Variants in DOCK5 observed in about 807,000 individuals in gnomAD.
DOCK5 encodes the protein dedicator of cytokinesis protein 5.
A neutral mutation model predicts 251.8 loss-of-function variants in DOCK5; 142 were observed. That is an observed-to-expected ratio of 0.56 (90% CI 0.49 to 0.65). DOCK5 has a LOEUF of 0.65. Among genes scored for constraint, DOCK5 ranks in the 30% least tolerant of loss-of-function variants. The pLI, the probability that DOCK5 is intolerant of heterozygous loss-of-function variation, is 0.00. For missense variants in DOCK5, 2,111 were observed against 2,312.3 expected, an observed-to-expected ratio of 0.91 and a Z score of 1.79; for synonymous variants, 842 against 835.5, an observed-to-expected ratio of 1.01 and a Z score of -0.13.
chr8:25,258,393 A>C (rs1216047066), intron 2 of DOCK5, among the ~76,000 whole-genome samples: 1 of 152,164 alleles, frequency 6.6e-6, no homozygotes, highest in Non-Finnish European at 1.5e-5. Context: ...TTGTGGAATG[A>C]AATTTAAGAG....
chr8:25,296,382 G>A (rs1262334550), intron 6 of DOCK5, 131 bp from the exon 7 acceptor site: 6 of 1,150,586 alleles, frequency 5.2e-6, no homozygotes, highest in Non-Finnish European at 7.2e-6. Context: ...AAGTCAATGA[G>A]GTGTGCTTCC....
intron 14 of DOCK5, 142 bp downstream of exon 14, chr8:25,317,273 T>C (rs1586323649): frequency 7.5e-7 from 1 of 1,339,512 alleles, no homozygotes. Context: ...CCTGTTAAAT[T>C]TGTGATTAGC....
At chr8:25,210,738 T>A (rs1211221730) in intron 1 of DOCK5, among the ~76,000 whole-genome samples, 1 of 70,528 alleles carries the variant, frequency 1.4e-5, no homozygotes, top group African/African-American at 3.2e-5. Context: ...CACTCCAGCC[T>A]AGGCGACAGA....
chr8:25,335,320 G>T (rs943972742), intron 21 of DOCK5, among the ~76,000 whole-genome samples: 1 of 152,052 alleles, frequency 6.6e-6, no homozygotes, highest in Admixed American at 6.6e-5. Context: ...TGATCATACC[G>T]AGCCAAATGC....
intron 32 of DOCK5, 125 bp from the exon 33 acceptor site, chr8:25,368,446 A>T: frequency 8.5e-7 from 1 of 1,176,678 alleles, no homozygotes; most frequent in Non-Finnish European, 1.2e-6. Context: ...TCAGAATCTG[A>T]GTCACTCACT....
At chr8:25,332,095 C>G (rs1402219122) in intron 18 of DOCK5, among the ~76,000 whole-genome samples, 156 bp from the exon 19 acceptor site, 6 of 152,064 alleles carry the variant, frequency 3.9e-5, no homozygotes, top group African/African-American at 1.4e-4. Flanking sequence ...TTTTCTCTGA[C>G]TTAGATAGGA....
intron 1 of DOCK5, among the ~76,000 whole-genome samples, chr8:25,235,017 G>A (rs1028734849): frequency 1.3e-5 from 2 of 152,132 alleles, no homozygotes; most frequent in East Asian, 1.9e-4. Context: ...AGCTGGACAC[G>A]GCGAGAAAGG....
In DOCK5 at chr8:25,300,648, A is replaced by G. The variant is rs754146144; in HGVS notation, c.837A>G (p.Ala279=). ...KEIEKLNNLQ[A]VFTDLSSMDL... is the part of the protein sequence containing the mutation. ...TAGAGAAGCTCAATAACCTCCAAGC[A>G]GTGTTTACAGTAAGTCCTCCCTTCT... Residue 279 remains alanine (A), a synonymous_variant, in exon 9 of 52, where the codon GCA becomes GCG. Transcript: ENST00000276440. 4 of 1,612,196 alleles carry G rather than the reference A, an allele frequency of 2.5e-6. No individual in the cohort carries two copies. The South Asian group carries it at 3.3e-5, about 13-fold the overall frequency.
At chr8:25,257,245 A>G (rs1049293090) in intron 2 of DOCK5, among the ~76,000 whole-genome samples, 1 of 152,112 alleles carries the variant, frequency 6.6e-6, no homozygotes, top group Non-Finnish European at 1.5e-5. Flanking sequence ...GACATTTTAC[A>G]TCCCTCTCTA....
chr8:25,366,261 C>T (rs558232211), intron 30 of DOCK5, among the ~76,000 whole-genome samples: 4 of 152,266 alleles, frequency 2.6e-5, no homozygotes, highest in African/African-American at 7.2e-5. Flanking sequence ...GAGGCCAAGG[C>T]GGGCAGATCA....
chr8:25,236,616 T>G (rs1352120841), intron 1 of DOCK5, among the ~76,000 whole-genome samples: 1 of 152,138 alleles, frequency 6.6e-6, no homozygotes, highest in Non-Finnish European at 1.5e-5. Flanking sequence ...AGTCTCACTC[T>G]GTTGCCCAGG....
chr8:25,281,889 GAAAAAAAAA>G (rs57465549), intron 5 of DOCK5, among the ~76,000 whole-genome samples: 3 of 127,134 alleles, frequency 2.4e-5, no homozygotes, highest in African/African-American at 8.6e-5. Context: ...AAAAAAAAAA[GAAAAAAAAA>G]AAAAAAAAAG....
At chr8:25,188,780 C>G (rs181884813) in intron 1 of DOCK5, among the ~76,000 whole-genome samples, 1 of 152,260 alleles carries the variant, frequency 6.6e-6, no homozygotes, top group East Asian at 1.9e-4. Flanking sequence ...AAGTGTTCTT[C>G]CCTGGAGACG....
At chr8:25,372,751 T>C (rs2271106) in intron 35 of DOCK5, 33 bp downstream of exon 35, 762,951 of 1,587,398 alleles carry the variant, frequency 0.48, 185,006 homozygotes, top group Middle Eastern at 0.55. Flanking sequence ...GATGGGAGGG[T>C]ACTGTCAGGC....
rs372650895 is a variant in DOCK5, at chr8:25,292,175, A to G, written c.470+3A>G. ...GCCAAAATTGATCATGGGAACAGGT[A>G]GGTAAACCAGGGATGGCTTTTCACT... On this transcript the variant is annotated splice_donor_region_variant and intron_variant, in intron 6 of 51. Coordinates refer to ENST00000276440, the MANE Select transcript of DOCK5 (RefSeq NM_024940.8). 1.3e-5 allele frequency: 21 copies of G among 1,562,976 alleles called. No homozygotes were observed. The African/African-American group carries it at 2.6e-4, about 19-fold the overall frequency.
chr8:25,387,277 G>A (rs1477484051), intron 40 of DOCK5, among the ~76,000 whole-genome samples: 1 of 151,162 alleles, frequency 6.6e-6, no homozygotes, highest in Non-Finnish European at 1.5e-5. Context: ...GACCTCCCAG[G>A]CTCAGGCAAT....
intron 40 of DOCK5, 115 bp downstream of exon 40, chr8:25,382,893 G>C: frequency 1.2e-6 from 1 of 824,180 alleles, no homozygotes; most frequent in East Asian, 2.8e-5. Flanking sequence ...CGCTGTGGGA[G>C]GTAGGGGAGG....
At chr8:25,285,168 G>A (rs909219469) in intron 5 of DOCK5, among the ~76,000 whole-genome samples, 2 of 151,640 alleles carry the variant, frequency 1.3e-5, no homozygotes, top group Admixed American at 1.3e-4. Flanking sequence ...TTTTTGAGAT[G>A]TAGTTTCATT....
chr8:25,259,312 T>C (rs17088213), intron 2 of DOCK5, among the ~76,000 whole-genome samples: 35,742 of 152,058 alleles, frequency 0.24, 5,657 homozygotes, highest in African/African-American at 0.45. Flanking sequence ...GGCCGTGGGC[T>C]AGCTTGGTAT....
Sources: allele counts gnomAD v4.1 joint callset (sites outside exome capture counted in the v4.1 genomes callset), GRCh38; gene constraint gnomAD v4.1.1; transcripts MANE v1.5; gene names NCBI Gene and HGNC (gene_info 2026-07-23, HGNC 2026-07-21).